ADGRB3: variants seen among roughly 807,000 people sequenced by gnomAD.
ADGRB3 encodes brain-specific angiogenesis inhibitor 3.
In ADGRB3, 37 loss-of-function variants were observed where a neutral mutation model predicts 193.4. The observed-to-expected ratio is 0.19, with a 90% confidence interval of 0.15 to 0.25. The LOEUF (loss-of-function observed/expected upper bound fraction) is 0.25, where lower values mean the gene tolerates loss of function less well. Among genes scored for constraint, ADGRB3 ranks in the 10% least tolerant of loss-of-function variants. The pLI is 1.00. For missense variants in ADGRB3, 1,637 were observed against 1,852.9 expected (o/e 0.88, Z 2.14); for synonymous variants, 690 against 644.2 (o/e 1.07, Z -1.08).
intron 13 of ADGRB3, among the ~76,000 whole-genome samples, chr6:69,024,936 C>G (rs1011864438): frequency 6.6e-6 from 1 of 151,566 alleles, no homozygotes; most frequent in Admixed American, 6.6e-5. Context: ...ACTAAAAATA[C>G]AAAAAATTAG....
intron 17 of ADGRB3, among the ~76,000 whole-genome samples, chr6:69,149,966 GT>G (rs1774625769): frequency 2.1e-5 from 3 of 145,336 alleles, no homozygotes; most frequent in Non-Finnish European, 4.6e-5. Flanking sequence ...GTGTGTGTGT[GT>G]GTGTGTGTTG....
chr6:68,731,146 T>A (rs1323454485), intron 3 of ADGRB3, among the ~76,000 whole-genome samples: 1 of 151,356 alleles, frequency 6.6e-6, no homozygotes, highest in Non-Finnish European at 1.5e-5. Flanking sequence ...TTAAAGAAAT[T>A]GAAGAATAAT....
intron 3 of ADGRB3, among the ~76,000 whole-genome samples, chr6:68,752,020 A>G (rs888465820): frequency 6.6e-6 from 1 of 152,298 alleles, no homozygotes; most frequent in South Asian, 2.1e-4. Context: ...CAACTTATGT[A>G]TGATACTGTG....
At position 68,787,657 on chromosome 6, in the gene ADGRB3, T is replaced by C. The variant is rs186343439; in HGVS notation, c.758-142902T>C. ...CTGCCAGTCTTTGGTATCAGGATGA[T>C]GCTGGCCTCATAAAATGAGTTAGGG... On this transcript the variant is annotated intron_variant, in intron 3 of 31. Transcript: ENST00000370598. Among the ~76,000 whole-genome samples the C allele has an allele frequency of 5.8e-4, 88 of 152,330 alleles. 1 individual carries two copies. The East Asian group carries it at 0.016, about 27-fold the overall frequency.
chr6:69,090,548 C>T (rs535165198), intron 17 of ADGRB3, among the ~76,000 whole-genome samples: 11 of 152,262 alleles, frequency 7.2e-5, no homozygotes, highest in African/African-American at 2.6e-4. Context: ...TTCTTTCATG[C>T]ATATATTTAT....
intron 3 of ADGRB3, among the ~76,000 whole-genome samples, chr6:68,888,639 A>T (rs914260339): frequency 5.9e-5 from 9 of 152,246 alleles, no homozygotes; most frequent in Middle Eastern, 3.4e-3. Flanking sequence ...ATATATAATT[A>T]TGGAATATAA....
intron 3 of ADGRB3, among the ~76,000 whole-genome samples, chr6:68,783,536 C>T (rs1766901814): frequency 6.6e-6 from 1 of 151,578 alleles, no homozygotes; most frequent in African/African-American, 2.4e-5. Context: ...GGCAGAATAT[C>T]AGTATCAACA....
intron 3 of ADGRB3, among the ~76,000 whole-genome samples, chr6:68,662,187 A>G (rs983552484): frequency 1.3e-5 from 2 of 151,602 alleles, no homozygotes; most frequent in African/African-American, 4.8e-5. Flanking sequence ...CTGTCACTTA[A>G]TGGCTATGGA....
chr6:68,977,981 G>A (rs1487209280), intron 10 of ADGRB3, among the ~76,000 whole-genome samples: 1 of 151,438 alleles, frequency 6.6e-6, no homozygotes, highest in Admixed American at 6.6e-5. Context: ...CTATTGCTGG[G>A]AGCAGTATTT....
chr6:69,049,004 C>T (rs1385575762), intron 14 of ADGRB3, among the ~76,000 whole-genome samples: 1 of 151,946 alleles, frequency 6.6e-6, no homozygotes, highest in Admixed American at 6.6e-5. Context: ...TTTCTGATAT[C>T]GTTGGGAAAT....
chr6:69,306,068 G>A (rs1195435398), intron 20 of ADGRB3, among the ~76,000 whole-genome samples: 1 of 151,392 alleles, frequency 6.6e-6, no homozygotes, highest in Non-Finnish European at 1.5e-5. Flanking sequence ...TTTATATAAG[G>A]GAGTTGAGCA....
intron 20 of ADGRB3, among the ~76,000 whole-genome samples, chr6:69,241,842 A>G (rs1166392745): frequency 6.6e-6 from 1 of 151,838 alleles, no homozygotes; most frequent in African/African-American, 2.4e-5. Context: ...GCATTCGGGG[A>G]GGAGTGGGTG....
At chr6:69,338,701 A>G (rs1379104259) in intron 24 of ADGRB3, among the ~76,000 whole-genome samples, 3 of 152,346 alleles carry the variant, frequency 2.0e-5, no homozygotes, top group Middle Eastern at 3.4e-3. Context: ...TGATGGAAAT[A>G]TGTTTTGCAT....
intron 4 of ADGRB3, among the ~76,000 whole-genome samples, chr6:68,935,577 A>T (rs1042981059): frequency 1.7e-4 from 26 of 152,164 alleles, no homozygotes; most frequent in African/African-American, 6.3e-4. Context: ...TAAGTAGTTA[A>T]CTGCTAGCAG....
chr6:69,059,055 A>C lies in ADGRB3; in HGVS notation c.2334-3879A>C, dbSNP rs560444474. Among the ~76,000 whole-genome samples the C allele has an allele frequency of 3.3e-5, 5 of 152,068 alleles. No homozygotes were observed. In the South Asian group the frequency reaches 1.0e-3, roughly 32 times the overall value. On this transcript the variant is annotated intron_variant, in intron 15 of 31. Transcript: ENST00000370598. ...AATCTGTCTAGTTATTAAAAATGGG[A>C]TATTAAAATATCCCATTATATTGTT...
chr6:69,165,675 T>TG (rs1315676906), intron 17 of ADGRB3, among the ~76,000 whole-genome samples: 3 of 152,222 alleles, frequency 2.0e-5, no homozygotes, highest in African/African-American at 7.2e-5. Flanking sequence ...ACTCTAGAGT[T>TG]GCTTATATTA....
chr6:69,137,930 T>A (rs995896125), intron 17 of ADGRB3, among the ~76,000 whole-genome samples: 21 of 152,354 alleles, frequency 1.4e-4, no homozygotes, highest in East Asian at 3.9e-4. Flanking sequence ...GTGCTGTCAT[T>A]CAGCAACTCA....
intron 3 of ADGRB3, among the ~76,000 whole-genome samples, chr6:68,662,680 G>A (rs1768694168): frequency 6.6e-6 from 1 of 151,428 alleles, no homozygotes; most frequent in Admixed American, 6.6e-5. Flanking sequence ...AAATTCATCT[G>A]CTATAGAAAC....
intron 3 of ADGRB3, among the ~76,000 whole-genome samples, chr6:68,696,959 G>T (rs1337756840): frequency 6.6e-6 from 1 of 151,960 alleles, no homozygotes; most frequent in Non-Finnish European, 1.5e-5. Flanking sequence ...TACTCTTAGA[G>T]AATTGTCACC....
Sources: allele counts gnomAD v4.1 joint callset (sites outside exome capture counted in the v4.1 genomes callset), GRCh38; gene constraint gnomAD v4.1.1; transcripts MANE v1.5; gene names NCBI Gene and HGNC (gene_info 2026-07-23, HGNC 2026-07-21).